The following WDR7 variants were observed in gnomAD, a reference collection of about 807,000 sequenced individuals.
WDR7 encodes WD repeat domain 7, also known as WD repeat-containing protein 7.
A neutral mutation model predicts 169.4 loss-of-function variants in WDR7; 46 were observed. The observed-to-expected ratio is 0.27, with a 90% CI of 0.21 to 0.35. WDR7 has a LOEUF of 0.35. Ranked by LOEUF, WDR7 falls within the 10% of genes least tolerant of loss-of-function variation. The pLI, the probability that WDR7 is intolerant of heterozygous loss-of-function variation, is 1.00. For missense variants in WDR7, 1,534 were observed against 1,859.3 expected (o/e 0.83, Z 3.22); for synonymous variants, 612 against 666.8 (o/e 0.92, Z 1.27).
At chr18:57,013,675 A>G (rs2048168857) in intron 26 of WDR7, among the ~76,000 whole-genome samples, 2 of 152,190 alleles carry the variant, frequency 1.3e-5, no homozygotes, top group African/African-American at 4.8e-5. Flanking sequence ...AATGAGTACT[A>G]ATGTATTTTG....
intron 25 of WDR7, among the ~76,000 whole-genome samples, chr18:56,954,769 A>G (rs1161189799): frequency 6.6e-6 from 1 of 152,182 alleles, no homozygotes; most frequent in Non-Finnish European, 1.5e-5. Flanking sequence ...TCATTGGGGA[A>G]ACGTTATAGC....
intron 22 of WDR7, among the ~76,000 whole-genome samples, chr18:56,932,578 T>G (rs1329370903): frequency 6.6e-6 from 1 of 152,328 alleles, no homozygotes; most frequent in East Asian, 1.9e-4. Context: ...TGCTTTTTTT[T>G]ATGAGAAGCG....
At chr18:56,761,219 A>T (rs1660980714) in intron 16 of WDR7, among the ~76,000 whole-genome samples, 1 of 152,180 alleles carries the variant, frequency 6.6e-6, no homozygotes, top group Non-Finnish European at 1.5e-5. Context: ...CATTCTGCCC[A>T]GGCTGGTCTT....
intron 20 of WDR7, among the ~76,000 whole-genome samples, chr18:56,836,187 C>T (rs544655084): frequency 5.5e-4 from 84 of 152,284 alleles, no homozygotes; most frequent in African/African-American, 1.9e-3. Context: ...AACTGGAGTT[C>T]GTTCTTTTTG....
chr18:56,876,350 C>T (rs774119579), intron 20 of WDR7, among the ~76,000 whole-genome samples: 7 of 151,890 alleles, frequency 4.6e-5, no homozygotes, highest in African/African-American at 7.3e-5. Flanking sequence ...AAGATGGCTC[C>T]GGGAGTTCAC....
chr18:57,003,621 T>C (rs983921228), intron 26 of WDR7, among the ~76,000 whole-genome samples: 35 of 152,230 alleles, frequency 2.3e-4, no homozygotes, highest in African/African-American at 7.9e-4. Context: ...ATAGCTGTCT[T>C]TTCAAAGTTA....
intron 19 of WDR7, among the ~76,000 whole-genome samples, chr18:56,808,147 T>C (rs2044808249): frequency 1.3e-5 from 2 of 152,280 alleles, no homozygotes; most frequent in East Asian, 3.9e-4. Flanking sequence ...AGGCTGTCTG[T>C]CTGTCATAAG....
intron 25 of WDR7, among the ~76,000 whole-genome samples, chr18:56,952,728 A>C (rs1449816256): frequency 6.6e-6 from 1 of 152,230 alleles, no homozygotes; most frequent in Non-Finnish European, 1.5e-5. Flanking sequence ...CCTCTCTTAC[A>C]TTCAGACAAT....
downstream of WDR7, chr18:57,032,125 A>C (rs1481308709): frequency 6.6e-6 from 1 of 152,218 alleles, no homozygotes; most frequent in African/African-American, 2.4e-5. Flanking sequence ...GCCTAAATAC[A>C]TGCCAATGGA....
chr18:57,029,397 C>T lies in WDR7; in HGVS notation c.*2190C>T, dbSNP rs1460729893. 1 of 152,224 alleles carries T rather than the reference C, an allele frequency of 6.6e-6. No homozygotes were observed. The highest frequency in any genetic ancestry group is 1.5e-5 in the Non-Finnish European group (1 of 68,044). 9.4% of individuals were successfully genotyped at this position (152,224 alleles called of 1,614,324 possible). A position where few individuals can be genotyped will look rare whatever the true frequency, so the allele number is the denominator to read the frequency against. ...TAGACGGTCATCTCTAACTACTAAA[C>T]TAATATCTGCATTCTTGTTAACATA... On this transcript the variant is annotated 3_prime_UTR_variant, in exon 28 of 28. Coordinates refer to ENST00000254442, the MANE Select transcript of WDR7 (RefSeq NM_015285.3).
chr18:56,815,930 TTG>T, intron 19 of WDR7, 99 bp from the exon 20 acceptor site: 1 of 882,022 alleles, frequency 1.1e-6, no homozygotes, highest in East Asian at 2.7e-5. Flanking sequence ...TTTTAATGTA[TTG>T]TGTTTATGTC....
chr18:56,857,768 A>C lies in WDR7; in HGVS notation c.3305-22176A>C, dbSNP rs75223400. ...TGGCAAATTACAAAAAAGCCTGTGA[A>C]TGCTGCTGGGAGGCTTTGCATGAAG... On this transcript the variant is annotated intron_variant, in intron 20 of 27. Transcript: ENST00000254442. Among the ~76,000 whole-genome samples, 224 of 152,254 alleles carry C rather than the reference A, an allele frequency of 1.5e-3. 3 individuals carry two copies. In the East Asian group the frequency reaches 0.037, roughly 25 times the overall value.
chr18:56,762,259 T>G (rs1244776436), intron 16 of WDR7, among the ~76,000 whole-genome samples: 2 of 151,974 alleles, frequency 1.3e-5, no homozygotes, highest in Non-Finnish European at 2.9e-5. Context: ...TTTTCTGATG[T>G]CCTTAGAAGC....
chr18:56,883,456 C>T (rs1383454201), intron 21 of WDR7, among the ~76,000 whole-genome samples: 5 of 148,132 alleles, frequency 3.4e-5, no homozygotes, highest in Non-Finnish European at 7.5e-5. Context: ...AAATTTTTAT[C>T]TGTTTACAGT....
At chr18:56,958,318 G>A (rs1434897024) in intron 25 of WDR7, among the ~76,000 whole-genome samples, 3 of 152,020 alleles carry the variant, frequency 2.0e-5, no homozygotes, top group African/African-American at 4.8e-5. Flanking sequence ...CCACAATAAC[G>A]TGTTCTAGTA....
chr18:56,951,989 A>G (rs2047190952), intron 25 of WDR7, among the ~76,000 whole-genome samples: 1 of 152,234 alleles, frequency 6.6e-6, no homozygotes, highest in African/African-American at 2.4e-5. Context: ...ACTTTTATGA[A>G]AAATGATGTT....
chr18:56,959,513 T>C (rs2047306863), intron 25 of WDR7, among the ~76,000 whole-genome samples: 1 of 152,150 alleles, frequency 6.6e-6, no homozygotes, highest in South Asian at 2.1e-4. Context: ...AGAGGAGAAC[T>C]GTTGTTCAAA....
chr18:56,672,607 G>A lies in WDR7; in HGVS notation c.92G>A (p.Gly31Glu), dbSNP rs2025160162. 1 of 1,613,208 alleles carries A rather than the reference G, an allele frequency of 6.2e-7. No homozygotes were observed. The highest frequency in any genetic ancestry group is 1.1e-5 in the South Asian group (1 of 90,972). Reference sequence around the variant, plus strand: ...TCAGCCGTACTTTTAACAGATGATGGGGCCACGATCGTAACAGGATGTCAC... The same window carrying A: ...TCAGCCGTACTTTTAACAGATGATGAGGCCACGATCGTAACAGGATGTCAC... The part of the protein sequence containing the change: ...CISAVLLTDD[G>E]ATIVTGCHDG... Residue 31 changes from glycine to glutamate, a missense_variant, in exon 2 of 28, where the codon GGG becomes GAG. By Grantham distance (98) the Gly-to-Glu change is moderately conservative (BLOSUM62 -2). Coordinates refer to ENST00000254442, the MANE Select transcript of WDR7 (RefSeq NM_015285.3).
At chr18:56,753,827 C>T (rs533818398) in intron 14 of WDR7, among the ~76,000 whole-genome samples, 5 of 151,826 alleles carry the variant, frequency 3.3e-5, no homozygotes, top group East Asian at 1.9e-4. Flanking sequence ...TGTTAAAGCT[C>T]GGAAGGTATT....
Sources: allele counts gnomAD v4.1 joint callset (sites outside exome capture counted in the v4.1 genomes callset), GRCh38; gene constraint gnomAD v4.1.1; transcripts MANE v1.5; gene names NCBI Gene and HGNC (gene_info 2026-07-23, HGNC 2026-07-21).